The following PLAAT5 variants were observed in gnomAD, a reference collection of about 807,000 sequenced individuals.
The protein encoded by PLAAT5 is Ca(2+)-independent N-acyltransferase.
PLAAT5 carries 27 observed loss-of-function variants against 27.8 expected under a neutral mutation model. The ratio of observed to expected loss-of-function variants is 0.97; its 90% CI spans 0.72 to 1.34. The LOEUF (loss-of-function observed/expected upper bound fraction) is 1.34. PLAAT5 is among the 40% of genes most tolerant of loss of function. The pLI is 0.00. For missense variants in PLAAT5, 368 were observed against 343.8 expected (o/e 1.07, Z -0.56); for synonymous variants, 125 against 136.1 (o/e 0.92, Z 0.57).
At chr11:63,483,801 G>GTATATA (rs71039646) in intron 3 of PLAAT5, among the ~76,000 whole-genome samples, 598 of 23,938 alleles carry the variant, frequency 0.025, 22 homozygotes, top group Non-Finnish European at 0.032. Context: ...ATATATATAT[G>GTATATA]TATATATATA....
chr11:63,467,837 G>A (rs2120224221), intron 4 of PLAAT5, among the ~76,000 whole-genome samples: 1 of 152,294 alleles, frequency 6.6e-6, no homozygotes, highest in East Asian at 1.9e-4. Context: ...ATGTTAAGCA[G>A]CTGTGAGAAA....
At chr11:63,476,122 G>A (rs1161785841) in intron 3 of PLAAT5, among the ~76,000 whole-genome samples, 1 of 151,988 alleles carries the variant, frequency 6.6e-6, no homozygotes, top group Non-Finnish European at 1.5e-5. Context: ...TGGTGTCATT[G>A]ATCTAATACA....
chr11:63,471,295 AT>A (rs959293442), intron 3 of PLAAT5, among the ~76,000 whole-genome samples: 22 of 152,196 alleles, frequency 1.4e-4, no homozygotes, highest in Admixed American at 3.9e-4. Flanking sequence ...AAACTGTCAG[AT>A]TTTTTTTGTA....
Position 63,463,453 on chromosome 11 carries a change from C to T in PLAAT5, c.*50G>A, listed in dbSNP as rs544694063. 10 of 1,400,412 alleles carry T rather than the reference C, an allele frequency of 7.1e-6. No individual in the cohort carries two copies. The highest frequency in any genetic ancestry group is 1.8e-4 in the Middle Eastern group (1 of 5,670). 86.7% of individuals were successfully genotyped at this position (1,400,412 alleles called of 1,614,324 possible). ...AGAAGGCAAGGGAAGGAAGCATGTT[C>T]TTTTTGCTTGTGTCAGTAACTCTTC... On this transcript the variant is annotated 3_prime_UTR_variant, in exon 6 of 6. Transcript: ENST00000540857.
At chr11:63,473,593 A>G (rs1235703043) in intron 3 of PLAAT5, among the ~76,000 whole-genome samples, 1 of 152,128 alleles carries the variant, frequency 6.6e-6, no homozygotes, top group Non-Finnish European at 1.5e-5. Flanking sequence ...ACTGAGTTCA[A>G]GAGAATTTTT....
chr11:63,480,231 C>G (rs1033894138), intron 3 of PLAAT5, among the ~76,000 whole-genome samples: 2 of 152,162 alleles, frequency 1.3e-5, no homozygotes, highest in Admixed American at 1.3e-4. Flanking sequence ...AGCAATCAAT[C>G]AAATCCTTGT....
intron 3 of PLAAT5, chr11:63,469,461 C>T (rs553605121): frequency 8.3e-6 from 2 of 241,586 alleles, no homozygotes; most frequent in African/African-American, 2.3e-5. Context: ...AAGATGGTAG[C>T]GAAACACCCA....
rs2016561971 is a variant in PLAAT5, at chr11:63,491,112, C to G, written c.-78G>C. The G allele has an allele frequency of 1.4e-5, 18 of 1,247,198 alleles. No homozygotes were observed. Among genetic ancestry groups the G allele is most frequent in the African/African-American group, 4.7e-5 (3 of 63,322 alleles). 77.3% of individuals were successfully genotyped at this position (1,247,198 alleles called of 1,614,324 possible). ...GGCGAGTTCCCAGTCGGCGCGGCCC[C>G]TGGTCGGCGGAGCCGCGGAAGCTTG... On this transcript the variant is annotated 5_prime_UTR_variant, in exon 1 of 6. Coordinates refer to ENST00000540857, the MANE Select transcript of PLAAT5 (RefSeq NM_001146729.2).
At chr11:63,478,586 T>C (rs61929695) in intron 3 of PLAAT5, among the ~76,000 whole-genome samples, 5,070 of 152,360 alleles carry the variant, frequency 0.033, 104 homozygotes, top group Middle Eastern at 0.044. Flanking sequence ...GTGCTGGGAT[T>C]ACAGGCGTGA....
At chr11:63,490,567 G>A (rs185563678) in intron 1 of PLAAT5, 2 of 668,582 alleles carry the variant, frequency 3.0e-6, no homozygotes, top group Non-Finnish European at 5.0e-6. Context: ...ATCGGGGAGA[G>A]GATGAAGAAG....
chr11:63,466,333 C>T lies in PLAAT5; in HGVS notation c.494G>A (p.Ser165Asn). The change falls in exon 5 of 6, where the codon AGC becomes AAC. Residue 165 changes from serine to asparagine, a missense_variant. By Grantham distance (46) the Ser-to-Asn change is conservative (BLOSUM62 1). Coordinates refer to ENST00000540857, the MANE Select transcript of PLAAT5 (RefSeq NM_001146729.2). ...ACTGTATTTCACCACGGCCCGATTG[C>T]TAAAGATGGAAGTAATGCTGCCCAC... is the stretch of plus-strand genomic sequence containing the variant. ...FEVGSITSIF[S>N]NRAVVKYSRL... 2 of 1,614,122 alleles carry T rather than the reference C, an allele frequency of 1.2e-6. No homozygotes were observed. Among genetic ancestry groups the T allele is most frequent in the Non-Finnish European group, 1.7e-6 (2 of 1,180,024 alleles).
intron 4 of PLAAT5, among the ~76,000 whole-genome samples, chr11:63,467,802 T>A (rs1242957103): frequency 6.6e-6 from 1 of 152,218 alleles, no homozygotes; most frequent in Non-Finnish European, 1.5e-5. Flanking sequence ...TAAGATTTAA[T>A]TAACACAAAT....
intron 3 of PLAAT5, among the ~76,000 whole-genome samples, chr11:63,478,702 G>T (rs1287361876): frequency 6.6e-6 from 1 of 152,202 alleles, no homozygotes; most frequent in Admixed American, 6.5e-5. Context: ...TGGCAATTTT[G>T]TCTGGCTTCA....
At chr11:63,487,387 C>T (rs1365202325) in intron 3 of PLAAT5, among the ~76,000 whole-genome samples, 1 of 152,226 alleles carries the variant, frequency 6.6e-6, no homozygotes, top group Middle Eastern at 3.4e-3. Context: ...GAGATACCTA[C>T]ACATCTATTA....
Position 63,490,467 on chromosome 11 carries a change from T to C in PLAAT5, c.149-134A>G. The stretch of plus-strand genomic sequence containing the variant: ...GCCCCTGGTTAGGCCTCAGAAAATC[T>C]TGGGATGAATGGAGAGGGTTGTGGA... On this transcript the variant is annotated intron_variant, in intron 1 of 5. Transcript: ENST00000540857. The C allele has an allele frequency of 3.6e-6, 5 of 1,406,178 alleles. No individual in the cohort carries two copies. The South Asian group carries it at 4.9e-5, about 14-fold the overall frequency. 87.1% of individuals were successfully genotyped at this position (1,406,178 alleles called of 1,614,324 possible).
In PLAAT5 at chr11:63,468,399, T is replaced by G; in HGVS notation, c.412A>C (p.Ile138Leu). The G allele has an allele frequency of 6.2e-7, 1 of 1,614,152 alleles. No homozygotes were observed. Among genetic ancestry groups the G allele is most frequent in the African/African-American group, 1.3e-5 (1 of 75,054 alleles). Residue 138 changes from isoleucine (I) to leucine (L), a missense_variant, in exon 4 of 6, where the codon ATC (isoleucine) becomes CTC (leucine). Transcript: ENST00000540857. ...ACCACGCAATCATCTTCTACATAGATGGCCCAGTGCTCATAGCCAATTCGA... is the reference window on the plus strand; with the variant it reads ...ACCACGCAATCATCTTCTACATAGAGGGCCCAGTGCTCATAGCCAATTCGA... ...IFRIGYEHWA[I>L]YVEDDCVVHL...
chr11:63,487,514 G>T (rs1428208464), intron 3 of PLAAT5, among the ~76,000 whole-genome samples: 1 of 151,974 alleles, frequency 6.6e-6, no homozygotes, highest in Admixed American at 6.6e-5. Flanking sequence ...GTAAGTTAAG[G>T]TTAGAGCTCT....
In PLAAT5 at chr11:63,491,038, G is replaced by C. The variant is rs780709220; in HGVS notation, c.-4C>G. Reference sequence around the variant, plus strand: ...CGGCGCCCGGGCTCAGGCCCATCCCGCCTCTGCGGCCTCGCCGGCCCCCAG... The same window carrying C: ...CGGCGCCCGGGCTCAGGCCCATCCCCCCTCTGCGGCCTCGCCGGCCCCCAG... On this transcript the variant is annotated 5_prime_UTR_variant, in exon 1 of 6. Transcript: ENST00000540857. 1 of 1,431,788 alleles carries C rather than the reference G, an allele frequency of 7.0e-7. No individual in the cohort carries two copies. Among genetic ancestry groups the C allele is most frequent in the Non-Finnish European group, 9.1e-7 (1 of 1,094,176 alleles). The allele number at this position is 1,431,788 out of a possible 1,614,324, so 88.7% of individuals were successfully genotyped here.
chr11:63,474,064 G>A (rs2016095871), intron 3 of PLAAT5, among the ~76,000 whole-genome samples: 1 of 152,036 alleles, frequency 6.6e-6, no homozygotes, highest in African/African-American at 2.4e-5. Context: ...ATAAATCTTA[G>A]TCATTGTGTA....
Sources: allele counts gnomAD v4.1 joint callset (sites outside exome capture counted in the v4.1 genomes callset), GRCh38; gene constraint gnomAD v4.1.1; transcripts MANE v1.5; gene names NCBI Gene and HGNC (gene_info 2026-07-23, HGNC 2026-07-21).